Variants in UNKL observed in about 807,000 individuals in gnomAD.
The protein encoded by UNKL is putative E3 ubiquitin-protein ligase UNKL.
A neutral mutation model predicts 78.0 loss-of-function variants in UNKL; 60 were observed. The observed-to-expected ratio is 0.77, with a 90% CI of 0.63 to 0.95. The LOEUF (loss-of-function observed/expected upper bound fraction) is 0.95. Among genes scored for constraint, UNKL ranks in the 40% least tolerant of loss-of-function variants. UNKL has a pLI of 0.00. For synonymous variants in UNKL, 608 were observed against 474.8 expected (o/e 1.28, Z -3.65); for missense variants, 1,159 against 1,045.7 (o/e 1.11, Z -1.49).
chr16:1,405,628 G>A (rs140812218), intron 2 of UNKL, among the ~76,000 whole-genome samples: 195 of 151,756 alleles, frequency 1.3e-3, no homozygotes, highest in South Asian at 4.2e-3. Context: ...TTACTCTTAC[G>A]GACACCTAGG....
At chr16:1,411,408 T>A (rs1460985536) in intron 2 of UNKL, among the ~76,000 whole-genome samples, 1 of 152,052 alleles carries the variant, frequency 6.6e-6, no homozygotes, top group Non-Finnish European at 1.5e-5. Flanking sequence ...AGAGCACTCC[T>A]GTGGTCCCAG....
intron 10 of UNKL, chr16:1,383,790 C>A (rs762376952): frequency 1.6e-5 from 7 of 442,806 alleles, no homozygotes; most frequent in South Asian, 9.4e-5. Flanking sequence ...ACTCCAAGTC[C>A]CCAGAGTGTG....
chr16:1,370,138 C>T lies in UNKL; in HGVS notation c.1577G>A (p.Ser526Asn). The T allele has an allele frequency of 2.0e-6, 3 of 1,524,420 alleles. No homozygotes were observed. Among genetic ancestry groups the T allele is most frequent in the Non-Finnish European group, 2.7e-6 (3 of 1,131,706 alleles). The allele number at this position is 1,524,420 out of a possible 1,614,324, so 94.4% of individuals were successfully genotyped here. The part of the protein sequence containing the change: ...GTLGSAASSY[S>N]PLGLNGVPGS... ...AGGGAGCCGGCACTCACCTAGGGGG[C>T]TGTAGGATGAGGCTGCAGAGCCCAG... The change falls in exon 12 of 15, where the codon AGC becomes AAC. Residue 526 changes from serine to asparagine, a missense_variant. By Grantham distance (46) the Ser-to-Asn change is conservative. Coordinates refer to ENST00000389221, the MANE Select transcript of UNKL (RefSeq NM_001372107.1).
rs1314472524 is a variant in UNKL, at chr16:1,387,192, AACACC to A, written c.1087-1812_1087-1808del. On this transcript the variant is annotated intron_variant, in intron 9 of 14. Coordinates refer to ENST00000389221, the MANE Select transcript of UNKL (RefSeq NM_001372107.1). This position sits in a 1 kb window ranked among gnomAD's most constrained non-coding sequence, Gnocchi z 4.1. Reference sequence around the variant, plus strand: ...GCACCGGGGACCCTCCCAGCCATGCAACACCGGGGACACTCCCAGCCATGCAACAC... The same window carrying A: ...GCACCGGGGACCCTCCCAGCCATGCAGGGGACACTCCCAGCCATGCAACAC... Among the ~76,000 whole-genome samples the A allele has an allele frequency of 1.3e-4, 20 of 151,376 alleles. No homozygotes were observed. Among genetic ancestry groups the A allele is most frequent in the African/African-American group, 3.9e-4 (16 of 41,014 alleles).
chr16:1,379,891 C>T (rs1009339411), intron 10 of UNKL, among the ~76,000 whole-genome samples: 6 of 152,178 alleles, frequency 3.9e-5, no homozygotes, highest in African/African-American at 1.2e-4. Context: ...GGCAGAAAGC[C>T]CCAGAGCTGC....
intron 9 of UNKL, among the ~76,000 whole-genome samples, chr16:1,388,124 G>C (rs1008635731): frequency 3.9e-5 from 6 of 152,162 alleles, no homozygotes; most frequent in African/African-American, 7.2e-5. Context: ...GGCCCACCAA[G>C]AAGCCGTGGA....
At chr16:1,397,944 G>A (rs1006063883) in intron 5 of UNKL, among the ~76,000 whole-genome samples, 2 of 152,244 alleles carry the variant, frequency 1.3e-5, no homozygotes, top group African/African-American at 2.4e-5. Context: ...GCAGCTCTGC[G>A]CTCACGGACA....
In UNKL at chr16:1,414,616, T is replaced by A; in HGVS notation, c.76A>T (p.Arg26Trp). 9.2e-7 allele frequency: 1 copy of A among 1,089,624 alleles called. No homozygotes were observed. The highest frequency in any genetic ancestry group is 1.1e-6 in the Non-Finnish European group (1 of 890,114). The allele number at this position is 1,089,624 out of a possible 1,614,324, so 67.5% of individuals were successfully genotyped here. A position where few individuals can be genotyped will look rare whatever the true frequency, so the allele number is the denominator to read the frequency against. ...PPQTEKPTHY[R>W]YLKEFRTEQC... Reference sequence around the variant, plus strand: ...GCCGCAGGCCGGACGGGCGCTGACCTGTAGTGGGTCGGCTTCTCAGTCTGC... The same window carrying A: ...GCCGCAGGCCGGACGGGCGCTGACCAGTAGTGGGTCGGCTTCTCAGTCTGC... The change falls in exon 1 of 15, where the codon AGG (arginine) becomes TGG (tryptophan). Residue 26 changes from arginine to tryptophan, a missense_variant and splice_region_variant. By Grantham distance (101) the Arg-to-Trp change is moderately radical. Coordinates refer to ENST00000389221, the MANE Select transcript of UNKL (RefSeq NM_001372107.1).
rs764902401 is a variant in UNKL at position 1,366,369 on chromosome 16, C to T, written c.2073G>A (p.Gln691=). Residue 691 remains glutamine (Q), a synonymous_variant, in exon 15 of 15, where the codon CAG becomes CAA. Transcript: ENST00000389221. Reference sequence around the variant, plus strand: ...GGGCCCGCTCCCGGCAGGCCACACACTGCTTGGCGCGGAGCTGGAAGATCA... The same window carrying T: ...GGGCCCGCTCCCGGCAGGCCACACATTGCTTGGCGCGGAGCTGGAAGATCA... ...DGVIFQLRAK[Q]CVACRERAHG... The T allele has an allele frequency of 6.2e-7, 1 of 1,600,144 alleles. No individual in the cohort carries two copies. Among genetic ancestry groups the T allele is most frequent in the Non-Finnish European group, 8.5e-7 (1 of 1,172,328 alleles).
At chr16:1,411,065 G>A (rs1055561321) in intron 2 of UNKL, among the ~76,000 whole-genome samples, 2 of 152,086 alleles carry the variant, frequency 1.3e-5, no homozygotes, top group African/African-American at 2.4e-5. Context: ...AATTAAAAAT[G>A]AGCCGAGGTG....
At chr16:1,375,058 C>A (rs1478079411) in intron 10 of UNKL, among the ~76,000 whole-genome samples, 1 of 152,196 alleles carries the variant, frequency 6.6e-6, no homozygotes, top group Non-Finnish European at 1.5e-5. Flanking sequence ...GCCACGGGGA[C>A]CATGGGAGCA....
At chr16:1,379,752 C>G (rs1414713316) in intron 10 of UNKL, 1 of 863,990 alleles carries the variant, frequency 1.2e-6, no homozygotes, top group Non-Finnish European at 1.3e-6. Flanking sequence ...GCCCCCGTCG[C>G]ACTGGCCACG....
rs1208871325 is a variant in UNKL at position 1,385,312 on chromosome 16, G to T, written c.1160C>A (p.Ala387Glu). The T allele has an allele frequency of 1.4e-6, 2 of 1,406,224 alleles. No homozygotes were observed. The highest frequency in any genetic ancestry group is 3.2e-5 in the Admixed American group (1 of 31,732). The allele number at this position is 1,406,224 out of a possible 1,614,324, so 87.1% of individuals were successfully genotyped here. Reference protein sequence around the residue: ...SVSSSVASSLASSAGSGSSSP... With the variant: ...SVSSSVASSLESSAGSGSSSP... Reference sequence around the variant, plus strand: ...GGAGCTGCCGGAGCCGGCGCTGGACGCCAGGCTGGACGCCACGCTGGAGCT... The same window carrying T: ...GGAGCTGCCGGAGCCGGCGCTGGACTCCAGGCTGGACGCCACGCTGGAGCT... Residue 387 changes from alanine (A) to glutamate (E), a missense_variant, in exon 10 of 15, where the codon GCG (alanine) becomes GAG (glutamate). By Grantham distance (107) the Ala-to-Glu change is moderately radical. Transcript: ENST00000389221.
At chr16:1,370,940 G>T (rs779809337) in intron 11 of UNKL, among the ~76,000 whole-genome samples, 2 of 152,138 alleles carry the variant, frequency 1.3e-5, no homozygotes, top group South Asian at 2.1e-4. Flanking sequence ...AAAATTAGCT[G>T]GGCGTGGTGG....
In UNKL at chr16:1,365,933, C is replaced by T. The variant is rs1250926063; in HGVS notation, c.*307G>A. 3.0e-5 allele frequency: 8 copies of T among 266,888 alleles called. No individual in the cohort carries two copies. The highest frequency in any genetic ancestry group is 2.0e-4 in the Admixed American group (4 of 19,972). 16.5% of individuals were successfully genotyped at this position (266,888 alleles called of 1,614,324 possible). A position where few individuals can be genotyped will look rare whatever the true frequency, so the allele number is the denominator to read the frequency against. ...CCACAAACTGCTGTGATCACAGCGC[C>T]GCGTGGATCCCGGAGGCACCAGGCC... On this transcript the variant is annotated 3_prime_UTR_variant, in exon 15 of 15. Coordinates refer to ENST00000389221, the MANE Select transcript of UNKL (RefSeq NM_001372107.1).
At chr16:1,385,492 C>T (rs1388121052) in intron 9 of UNKL, 107 bp from the exon 10 acceptor site, 2 of 1,171,568 alleles carry the variant, frequency 1.7e-6, no homozygotes, top group African/African-American at 3.2e-5. Context: ...AACTTCTACG[C>T]CCTGGCGAGG....
intron 2 of UNKL, among the ~76,000 whole-genome samples, chr16:1,409,383 C>G (rs2037931952): frequency 7.4e-6 from 1 of 135,040 alleles, no homozygotes; most frequent in East Asian, 2.2e-4. Context: ...GTCCCACTCC[C>G]GTGGAATGAA....
intron 4 of UNKL, among the ~76,000 whole-genome samples, chr16:1,400,357 G>A (rs370894737): frequency 1.4e-5 from 2 of 146,616 alleles, no homozygotes; most frequent in Admixed American, 6.9e-5. Flanking sequence ...GGCGGAGGTT[G>A]CAGTGAGCTG....
chr16:1,388,950 G>A (rs966372836), intron 9 of UNKL, among the ~76,000 whole-genome samples: 12 of 152,144 alleles, frequency 7.9e-5, no homozygotes, highest in African/African-American at 2.4e-4. Context: ...GGTGTAGTAC[G>A]TGGCATGAAT....
Sources: gnomAD v4.1 joint callset for allele counts (sites outside exome capture counted in the v4.1 genomes callset) on GRCh38, gnomAD v4.1.1 for gene constraint, Gnocchi (gnomAD v3.1) non-coding constraint, MANE v1.5 for transcripts, NCBI Gene and HGNC (gene_info 2026-07-23, HGNC 2026-07-21) for gene names.